MACROD2: variants seen among roughly 807,000 people sequenced by gnomAD.
MACROD2 encodes mono-ADP ribosylhydrolase 2.
In MACROD2, 36 loss-of-function variants were observed where a neutral mutation model predicts 70.4. The ratio of observed to expected loss-of-function variants is 0.51; its 90% CI spans 0.39 to 0.68. The LOEUF (loss-of-function observed/expected upper bound fraction) is 0.68. MACROD2 is among the 30% of genes least tolerant of loss of function. The pLI is 0.00. For missense variants in MACROD2, 496 were observed against 538.4 expected, an observed-to-expected ratio of 0.92 and a Z score of 0.78; for synonymous variants, 172 against 178.8, an observed-to-expected ratio of 0.96 and a Z score of 0.30.
At chr20:14,221,824 A>T (rs959793274) in intron 3 of MACROD2, among the ~76,000 whole-genome samples, 4 of 152,232 alleles carry the variant, frequency 2.6e-5, no homozygotes, top group African/African-American at 9.6e-5. Context: ...AAAGGACATG[A>T]ATAGACATTT....
At chr20:15,949,344 G>A (rs2065873283) in intron 12 of MACROD2, among the ~76,000 whole-genome samples, 1 of 152,062 alleles carries the variant, frequency 6.6e-6, no homozygotes, top group African/African-American at 2.4e-5. Flanking sequence ...ACTACCCCAG[G>A]TGGCACAGTG....
chr20:15,798,807 G>A (rs919404340), intron 8 of MACROD2, among the ~76,000 whole-genome samples: 5 of 152,156 alleles, frequency 3.3e-5, no homozygotes, highest in Non-Finnish European at 7.4e-5. Context: ...AGCATGATAT[G>A]GGAGGATTTC....
intron 5 of MACROD2, among the ~76,000 whole-genome samples, chr20:14,877,599 G>A (rs1458366498): frequency 1.3e-5 from 2 of 151,982 alleles, no homozygotes; most frequent in East Asian, 3.9e-4. Context: ...TGTCATAGAT[G>A]GCTCTTGTTA....
At chr20:15,062,174 G>C (rs1601015649) in intron 5 of MACROD2, among the ~76,000 whole-genome samples, 1 of 152,172 alleles carries the variant, frequency 6.6e-6, no homozygotes, top group Non-Finnish European at 1.5e-5. Flanking sequence ...GAGTGTGCAT[G>C]TTCTCTTAGA....
chr20:15,302,326 A>G (rs1427478598), intron 6 of MACROD2, among the ~76,000 whole-genome samples: 1 of 151,784 alleles, frequency 6.6e-6, no homozygotes, highest in Non-Finnish European at 1.5e-5. Flanking sequence ...ATAAATCCTA[A>G]CTACTGCTAG....
At chr20:15,388,778 A>T (rs1453591448) in intron 6 of MACROD2, among the ~76,000 whole-genome samples, 1 of 152,202 alleles carries the variant, frequency 6.6e-6, no homozygotes, top group Non-Finnish European at 1.5e-5. Context: ...CTGGTTATTA[A>T]AACTATAGGC....
chr20:15,480,313 G>A (rs1032986465), intron 7 of MACROD2, among the ~76,000 whole-genome samples: 3 of 151,994 alleles, frequency 2.0e-5, no homozygotes, highest in African/African-American at 4.8e-5. Flanking sequence ...TTAACTCTTC[G>A]CTCCAGTTTT....
chr20:15,547,397 G>A (rs1323286150), intron 8 of MACROD2, among the ~76,000 whole-genome samples: 1 of 152,050 alleles, frequency 6.6e-6, no homozygotes, highest in African/African-American at 2.4e-5. Context: ...TATGCCTATC[G>A]CCATCATTTT....
chr20:14,246,805 A>C (rs2081971600), intron 3 of MACROD2, among the ~76,000 whole-genome samples: 1 of 152,174 alleles, frequency 6.6e-6, no homozygotes, highest in South Asian at 2.1e-4. Flanking sequence ...CCAAACTCTT[A>C]TTCAGCCTTC....
Position 15,967,607 on chromosome 20 carries a change from T to C in MACROD2, c.962T>C (p.Val321Ala). 3.7e-6 allele frequency: 6 copies of C among 1,608,824 alleles called. No homozygotes were observed. Among genetic ancestry groups the C allele is most frequent in the Non-Finnish European group, 4.2e-6 (5 of 1,177,784 alleles). ...TKGGEVTDHS[V>A]RDQDHPDGQE... ...GGCGGTGAAGTGACAGATCATTCTG[T>C]GCGTGACCAAGATCATCCCGATGGT... The change falls in exon 13 of 18, where the codon GTG becomes GCG. Residue 321 changes from valine (V) to alanine (A), a missense_variant. By Grantham distance (64) the Val-to-Ala change is moderately conservative (BLOSUM62 0). Coordinates refer to ENST00000684519, the MANE Select transcript of MACROD2 (RefSeq NM_001351661.2).
chr20:15,315,628 A>G (rs1287447914), intron 6 of MACROD2, among the ~76,000 whole-genome samples: 1 of 152,206 alleles, frequency 6.6e-6, no homozygotes, highest in Admixed American at 6.5e-5. Context: ...GGAGAAATTA[A>G]GACATTTACA....
intron 5 of MACROD2, among the ~76,000 whole-genome samples, chr20:14,837,498 T>G (rs1403336545): frequency 6.6e-6 from 1 of 152,038 alleles, no homozygotes; most frequent in Non-Finnish European, 1.5e-5. Context: ...AATAATGTGT[T>G]TCCTCCCAGT....
intron 5 of MACROD2, among the ~76,000 whole-genome samples, chr20:14,719,269 C>A (rs2071434883): frequency 6.6e-6 from 1 of 151,690 alleles, no homozygotes; most frequent in Admixed American, 6.6e-5. Context: ...ATAGTTTAGT[C>A]TAAGCATTTA....
chr20:14,135,923 T>C (rs1245254163), intron 3 of MACROD2, among the ~76,000 whole-genome samples: 3 of 152,156 alleles, frequency 2.0e-5, no homozygotes, highest in Non-Finnish European at 4.4e-5. Context: ...CTCCCTTAGA[T>C]TGGAAACAAT....
chr20:15,682,259 C>T lies in MACROD2; in HGVS notation c.646-180486C>T, dbSNP rs188664282. Among the ~76,000 whole-genome samples, 19 of 152,226 alleles carry T rather than the reference C, an allele frequency of 1.2e-4. No individual in the cohort carries two copies. The East Asian group carries it at 3.7e-3, about 29-fold the overall frequency. ...GGAACCCACATTTCAACCATTTCTT[C>T]TTGTTTTTGAGGATTTAATAGGAAA... On this transcript the variant is annotated intron_variant, in intron 8 of 17. Transcript: ENST00000684519.
intron 4 of MACROD2, among the ~76,000 whole-genome samples, chr20:14,536,803 A>G (rs528067488): frequency 6.6e-6 from 1 of 152,348 alleles, no homozygotes; most frequent in South Asian, 2.1e-4. Flanking sequence ...CCAAATTGGC[A>G]AAATGACTTG....
intron 2 of MACROD2, among the ~76,000 whole-genome samples, chr20:14,076,813 TA>T (rs2053921609): frequency 6.6e-6 from 1 of 152,204 alleles, no homozygotes. Flanking sequence ...GGCATGTTTT[TA>T]TTCTACTTAG....
chr20:15,197,960 CTTTTTTT>C lies in MACROD2; in HGVS notation c.419-31967_419-31961del, dbSNP rs56284199. On this transcript the variant is annotated intron_variant, in intron 5 of 17. Coordinates refer to ENST00000684519, the MANE Select transcript of MACROD2 (RefSeq NM_001351661.2). Reference sequence around the variant, plus strand: ...AATTTTCCTGCCTTGGCCTGGCCTCCTTTTTTTTTTTTTTTTTTTGAGACGGAGTCTT... The same window carrying C: ...AATTTTCCTGCCTTGGCCTGGCCTCCTTTTTTTTTTTTGAGACGGAGTCTT... Among the ~76,000 whole-genome samples the C allele has an allele frequency of 5.5e-4, 65 of 118,696 alleles. 1 individual carries two copies. The highest frequency in any genetic ancestry group is 4.0e-3 in the Admixed American group (40 of 9,888). 77.9% of individuals were successfully genotyped at this position (118,696 alleles called of 152,430 possible).
intron 5 of MACROD2, among the ~76,000 whole-genome samples, chr20:14,762,886 C>T (rs978963397): frequency 1.6e-4 from 25 of 152,046 alleles, no homozygotes; most frequent in African/African-American, 5.3e-4. Flanking sequence ...GCTGAGATTG[C>T]GCCACTGCAC....
Sources: gnomAD v4.1 joint callset for allele counts (sites outside exome capture counted in the v4.1 genomes callset) on GRCh38, gnomAD v4.1.1 for gene constraint, MANE v1.5 for transcripts, NCBI Gene and HGNC (gene_info 2026-07-23, HGNC 2026-07-21) for gene names.